FBXL17: variants seen among roughly 807,000 people sequenced by gnomAD.
The protein encoded by FBXL17 is F-box/LRR-repeat protein 17.
FBXL17 carries 22 observed loss-of-function variants against 66.2 expected under a neutral mutation model. That is an observed-to-expected ratio of 0.33 (90% CI 0.24 to 0.47). The LOEUF (loss-of-function observed/expected upper bound fraction) is 0.47, where lower values mean the gene tolerates loss of function less well. FBXL17 is among the 20% of genes least tolerant of loss of function. FBXL17 has a pLI of 1.00. For missense variants in FBXL17, 878 were observed against 948.2 expected (o/e 0.93, Z 0.97); for synonymous variants, 474 against 400.5 (o/e 1.18, Z -2.19).
chr5:108,348,016 T>C (rs112459950), intron 4 of FBXL17, among the ~76,000 whole-genome samples: 17 of 152,296 alleles, frequency 1.1e-4, no homozygotes, highest in African/African-American at 4.1e-4. Flanking sequence ...TACATTTTTC[T>C]GGACAATAAA....
chr5:108,065,942 A>C (rs1473806290), intron 6 of FBXL17, among the ~76,000 whole-genome samples: 1 of 152,034 alleles, frequency 6.6e-6, no homozygotes, highest in Non-Finnish European at 1.5e-5. Context: ...ACAAAACAAA[A>C]CCCCCAAAAC....
At chr5:108,237,733 C>A (rs902714291) in intron 4 of FBXL17, among the ~76,000 whole-genome samples, 3 of 152,092 alleles carry the variant, frequency 2.0e-5, no homozygotes, top group Non-Finnish European at 2.9e-5. Flanking sequence ...GGCCAGGAGG[C>A]TATGGATGCA....
intron 4 of FBXL17, among the ~76,000 whole-genome samples, chr5:108,237,774 A>G (rs1755672662): frequency 6.6e-6 from 1 of 152,156 alleles, no homozygotes; most frequent in South Asian, 2.1e-4. Flanking sequence ...AGATGATAAC[A>G]TATCACACCC....
chr5:107,899,598 C>T (rs1232452025), intron 7 of FBXL17, among the ~76,000 whole-genome samples: 1 of 152,196 alleles, frequency 6.6e-6, no homozygotes, highest in Non-Finnish European at 1.5e-5. Context: ...GATTGCTGCA[C>T]TGCACTCCAG....
rs549318336 is a variant in FBXL17, at chr5:107,895,475, C to G, written c.1823-14296G>C. ...TTGTATCTTAGGTCAATACCTTTAT[C>G]AGGACATGTTTTCATTGTTCTGTAG... On this transcript the variant is annotated intron_variant, in intron 7 of 8. Coordinates refer to ENST00000542267, the MANE Select transcript of FBXL17 (RefSeq NM_001163315.3). Among the ~76,000 whole-genome samples the G allele has an allele frequency of 2.6e-5, 4 of 152,176 alleles. No individual in the cohort carries two copies. In the South Asian group the frequency reaches 6.2e-4, roughly 24 times the overall value.
At chr5:108,063,120 T>C (rs1169943946) in intron 6 of FBXL17, among the ~76,000 whole-genome samples, 1 of 152,224 alleles carries the variant, frequency 6.6e-6, no homozygotes, top group Non-Finnish European at 1.5e-5. Flanking sequence ...CATGTGTTTT[T>C]CTTTTTTAAG....
intron 6 of FBXL17, among the ~76,000 whole-genome samples, chr5:108,079,443 T>C (rs1748681317): frequency 6.6e-6 from 1 of 152,276 alleles, no homozygotes; most frequent in Non-Finnish European, 1.5e-5. Flanking sequence ...AAAATAAAAT[T>C]AGAAATAATA....
chr5:107,881,444 A>T (rs187977321), intron 7 of FBXL17, among the ~76,000 whole-genome samples: 1 of 152,346 alleles, frequency 6.6e-6, no homozygotes, highest in Non-Finnish European at 1.5e-5. Flanking sequence ...GGTTACCTGT[A>T]CTTTCAAACA....
At chr5:108,329,155 G>C (rs575396840) in intron 4 of FBXL17, among the ~76,000 whole-genome samples, 1 of 152,124 alleles carries the variant, frequency 6.6e-6, no homozygotes, top group South Asian at 2.1e-4. Context: ...AGAAATTGAG[G>C]CAGCTCTTTC....
intron 6 of FBXL17, among the ~76,000 whole-genome samples, chr5:108,091,954 C>T (rs1749202360): frequency 6.6e-6 from 1 of 152,108 alleles, no homozygotes. Context: ...TATATAACAG[C>T]ATGTTTTCTT....
chr5:108,009,802 G>C lies in FBXL17; in HGVS notation c.1822+11123C>G, dbSNP rs148104651. ...AGTTCCATTTAATATCTATCCTACA[G>C]TGAAATCATCAATCTGTCTGGTTCT... On this transcript the variant is annotated intron_variant, in intron 7 of 8. Transcript: ENST00000542267. Among the ~76,000 whole-genome samples the C allele has an allele frequency of 2.6e-5, 4 of 152,276 alleles. No individual in the cohort carries two copies. The East Asian group carries it at 7.7e-4, about 29-fold the overall frequency.
At chr5:107,944,281 A>C (rs1169984344) in intron 7 of FBXL17, among the ~76,000 whole-genome samples, 2 of 152,240 alleles carry the variant, frequency 1.3e-5, no homozygotes, top group East Asian at 1.9e-4. Flanking sequence ...TACCAAGAAT[A>C]AACTTCCAAA....
chr5:108,181,245 A>G (rs1229639072), intron 6 of FBXL17, among the ~76,000 whole-genome samples: 1 of 152,190 alleles, frequency 6.6e-6, no homozygotes, highest in East Asian at 1.9e-4. Context: ...CAATAAACTT[A>G]GAATCAGGGA....
chr5:108,253,634 T>C (rs1221544567), intron 4 of FBXL17, among the ~76,000 whole-genome samples: 1 of 152,140 alleles, frequency 6.6e-6, no homozygotes, highest in Admixed American at 6.5e-5. Flanking sequence ...GCATTAACCA[T>C]CAGGGATAAT....
chr5:108,106,436 C>G (rs1031999847), intron 6 of FBXL17, among the ~76,000 whole-genome samples: 1 of 152,086 alleles, frequency 6.6e-6, no homozygotes, highest in African/African-American at 2.4e-5. Flanking sequence ...GAAATGGAAA[C>G]ATATGTCCAC....
chr5:108,042,402 C>T (rs115209682), intron 6 of FBXL17, among the ~76,000 whole-genome samples: 1,966 of 152,122 alleles, frequency 0.013, 25 homozygotes, highest in Non-Finnish European at 0.016. Flanking sequence ...CTTCTATATC[C>T]CACCCATTTT....
chr5:108,137,859 G>A (rs185962904), intron 6 of FBXL17, among the ~76,000 whole-genome samples: 54 of 152,270 alleles, frequency 3.5e-4, no homozygotes, highest in Middle Eastern at 3.4e-3. Flanking sequence ...CGAACTGGAT[G>A]AGTTGCTAAG....
At chr5:108,079,258 T>C (rs920189772) in intron 6 of FBXL17, among the ~76,000 whole-genome samples, 4 of 151,882 alleles carry the variant, frequency 2.6e-5, no homozygotes, top group African/African-American at 9.7e-5. Flanking sequence ...GAAAGCTAGG[T>C]GATTCTTAAT....
rs1040214636 is a variant in FBXL17, at chr5:108,064,443, C to T, written c.1746-43442G>A. Among the ~76,000 whole-genome samples the T allele has an allele frequency of 7.9e-5, 12 of 152,076 alleles. No individual in the cohort carries two copies. In the South Asian group the frequency reaches 2.5e-3, roughly 32 times the overall value. ...TGAGTGGTGAACATGTATATTCATC[C>T]CTGCTACAAGCAGGGATGGAGATGC... On this transcript the variant is annotated intron_variant, in intron 6 of 8. Coordinates refer to ENST00000542267, the MANE Select transcript of FBXL17 (RefSeq NM_001163315.3).
Sources: gnomAD v4.1 joint callset for allele counts (sites outside exome capture counted in the v4.1 genomes callset) on GRCh38, gnomAD v4.1.1 for gene constraint, MANE v1.5 for transcripts, NCBI Gene and HGNC (gene_info 2026-07-23, HGNC 2026-07-21) for gene names.